Variants in MAK observed in about 807,000 individuals in gnomAD.
The protein encoded by MAK is male germ cell associated kinase, also known as serine/threonine-protein kinase MAK.
Under a neutral mutation model 82.6 loss-of-function variants are expected in MAK, and 65 were observed. The observed-to-expected ratio is 0.79, with a 90% CI of 0.64 to 0.97. MAK has a LOEUF of 0.97. Among genes scored for constraint, MAK ranks in the 50% least tolerant of loss-of-function variants. The pLI, the probability that MAK is intolerant of heterozygous loss-of-function variation, is 0.00. For missense variants in MAK, 703 were observed against 780.2 expected (o/e 0.90, Z 1.18); for synonymous variants, 250 against 274.2 (o/e 0.91, Z 0.87).
At chr6:10,773,013 C>A in intron 13 of MAK, 21 bp downstream of exon 13, 2 of 1,478,650 alleles carry the variant, frequency 1.4e-6, no homozygotes, top group South Asian at 1.2e-5. Flanking sequence ...AAACTGCATT[C>A]ATCTGACGCC....
At chr6:10,807,591 C>T (rs983968197) in intron 6 of MAK, among the ~76,000 whole-genome samples, 2 of 151,820 alleles carry the variant, frequency 1.3e-5, no homozygotes, top group Non-Finnish European at 2.9e-5. Context: ...TCCCCCACCT[C>T]GGCCTCCCAA....
chr6:10,776,690 A>T lies in MAK; in HGVS notation c.1466-1231T>A, dbSNP rs2127520699. On this transcript the variant is annotated intron_variant, in intron 11 of 14. Transcript: ENST00000354489. The surrounding 1 kb of genome is among the most constrained non-coding windows in gnomAD (Gnocchi z 4.3). ...CCAGAAATACTGCACCTCAAAAGTT[A>T]CCCATTATCAGTTCTCTAAGGAAAC... Among the ~76,000 whole-genome samples the T allele has an allele frequency of 6.6e-6, 1 of 152,304 alleles. No homozygotes were observed. Among genetic ancestry groups the T allele is most frequent in the East Asian group, 1.9e-4 (1 of 5,186 alleles).
intron 4 of MAK, among the ~76,000 whole-genome samples, chr6:10,816,981 G>A (rs1777545767): frequency 6.6e-6 from 1 of 152,096 alleles, no homozygotes; most frequent in Admixed American, 6.6e-5. Context: ...ACTGATTTGA[G>A]GGGCAGAAAT....
intron 6 of MAK, among the ~76,000 whole-genome samples, chr6:10,808,090 A>C (rs189848653): frequency 5.3e-5 from 8 of 152,200 alleles, no homozygotes; most frequent in Admixed American, 2.0e-4. Flanking sequence ...AAGACATGCT[A>C]TCAGCACCCA....
Position 10,817,852 on chromosome 6 carries a change from G to A in MAK, c.276C>T (p.Asp92=). 1 of 1,491,578 alleles carries A rather than the reference G, an allele frequency of 6.7e-7. No individual in the cohort carries two copies. The highest frequency in any genetic ancestry group is 9.2e-7 in the Non-Finnish European group (1 of 1,085,084). The allele number at this position is 1,491,578 out of a possible 1,614,324, so 92.4% of individuals were successfully genotyped here. The change falls in exon 4 of 15, where the codon GAC becomes GAT. Residue 92 remains aspartate, a splice_region_variant and synonymous_variant. Transcript: ENST00000354489. ...GAAAAACATGAATAAAAACATACCTGTCTTTCATTAATTGATAGAGGTTTT... is the reference window on the plus strand; with the variant it reads ...GAAAAACATGAATAAAAACATACCTATCTTTCATTAATTGATAGAGGTTTT... ...MKENLYQLMK[D]RNKLFPESVI...
intron 5 of MAK, among the ~76,000 whole-genome samples, chr6:10,810,330 TTC>T (rs1776825156): frequency 6.7e-6 from 1 of 150,116 alleles, no homozygotes; most frequent in South Asian, 2.1e-4. Flanking sequence ...TGGGAAGACT[TTC>T]TTTTATCTTT....
chr6:10,813,110 ATATATATATATATATATATATATAAATTT>A lies in MAK; in HGVS notation c.358+505_358+533del, dbSNP rs1777114559. ...TTTATATATATATATATATATATAT[ATATATATATATATATATATATATAAATTT>A]TTTTTTTTTTTTTTTTTTTTTTTTT... is the stretch of plus-strand genomic sequence containing the variant. On this transcript the variant is annotated intron_variant, in intron 5 of 14. Coordinates refer to ENST00000354489, the MANE Select transcript of MAK (RefSeq NM_001242957.3). 1.5e-3 allele frequency among the ~76,000 whole-genome samples: 2 copies of A among 1,336 alleles called. 1 individual carries two copies. The highest frequency in any genetic ancestry group is 2.6e-3 in the African/African-American group (2 of 758). 0.9% of individuals were successfully genotyped at this position (1,336 alleles called of 152,430 possible). A position where few individuals can be genotyped will look rare whatever the true frequency, so the allele number is the denominator to read the frequency against.
chr6:10,781,662 G>C (rs1773978811), intron 11 of MAK, among the ~76,000 whole-genome samples: 1 of 152,144 alleles, frequency 6.6e-6, no homozygotes, highest in African/African-American at 2.4e-5. Context: ...GACTTCAAGT[G>C]ATCCGCCTGC....
intron 11 of MAK, chr6:10,780,152 CAGTA>C: frequency 1.7e-6 from 1 of 584,196 alleles, no homozygotes; most frequent in Non-Finnish European, 2.2e-6. Context: ...CAATAGGTGA[CAGTA>C]AGGCTCAAGT....
At chr6:10,783,889 C>T (rs146785735) in intron 11 of MAK, among the ~76,000 whole-genome samples, 1 of 152,076 alleles carries the variant, frequency 6.6e-6, no homozygotes, top group African/African-American at 2.4e-5. Flanking sequence ...CGTGGTGGCT[C>T]GCACCTGTAG....
chr6:10,790,708 A>G (rs948907774), intron 10 of MAK, among the ~76,000 whole-genome samples: 3 of 152,234 alleles, frequency 2.0e-5, no homozygotes, highest in African/African-American at 7.2e-5. Context: ...TGTCATTCAC[A>G]AGAGCATCGT....
chr6:10,831,003 G>A, intron 1 of MAK, 126 bp from the exon 2 acceptor site: 2 of 316,790 alleles, frequency 6.3e-6, no homozygotes, highest in South Asian at 2.8e-5. Context: ...ATATTTGTCA[G>A]TAAGTCATTT....
chr6:10,819,805 A>G (rs1219934780), intron 2 of MAK, among the ~76,000 whole-genome samples: 1 of 151,516 alleles, frequency 6.6e-6, no homozygotes. Flanking sequence ...CACCATACAA[A>G]ACAGGGGATA....
At chr6:10,773,648 CATATT>C (rs891722219) in intron 12 of MAK, among the ~76,000 whole-genome samples, 3 of 150,800 alleles carry the variant, frequency 2.0e-5, no homozygotes, top group African/African-American at 7.3e-5. Context: ...TTATTTCTGA[CATATT>C]GTAACTATAG....
Position 10,815,912 on chromosome 6 carries a change from GTATATATATATATATATA to G in MAK, c.278+1920_278+1937del, listed in dbSNP as rs3064109. On this transcript the variant is annotated intron_variant, in intron 4 of 14. Coordinates refer to ENST00000354489, the MANE Select transcript of MAK (RefSeq NM_001242957.3). ...TACTGTATTAGTGTAGCTTTATACA[GTATATATATATATATATA>G]TATATATATATATATATGTATGTTT... 2.0e-3 allele frequency among the ~76,000 whole-genome samples: 215 copies of G among 108,346 alleles called. 7 individuals are homozygous for G. Among genetic ancestry groups the G allele is most frequent in the African/African-American group, 7.4e-3 (162 of 21,848 alleles). The allele number at this position is 108,346 out of a possible 152,430, so 71.1% of individuals were successfully genotyped here. A position where few individuals can be genotyped will look rare whatever the true frequency, so the allele number is the denominator to read the frequency against.
In MAK at chr6:10,831,773, A is replaced by G. The variant is rs191200959; in HGVS notation, c.-229-896T>C. ...AAGAAAAAAAAATTTTTTAATAAAT[A>G]AAAAGGGAAGTAGAGCCTGAAGATG... On this transcript the variant is annotated intron_variant, in intron 1 of 14. Coordinates refer to ENST00000354489, the MANE Select transcript of MAK (RefSeq NM_001242957.3). Among the ~76,000 whole-genome samples, 65 of 152,250 alleles carry G rather than the reference A, an allele frequency of 4.3e-4. 1 individual carries two copies. Among genetic ancestry groups the G allele is most frequent in the African/African-American group, 1.3e-3 (56 of 41,556 alleles).
chr6:10,815,001 C>T (rs146543586), intron 4 of MAK, among the ~76,000 whole-genome samples: 222 of 151,144 alleles, frequency 1.5e-3, no homozygotes, highest in Middle Eastern at 3.4e-3. Context: ...TACACCACTT[C>T]ACTCCAGCCT....
chr6:10,797,471 C>T (rs1424392125), intron 8 of MAK: 1 of 422,524 alleles, frequency 2.4e-6, no homozygotes, highest in Non-Finnish European at 3.2e-6. Flanking sequence ...TGCTAACTAT[C>T]CCATAATGCA....
chr6:10,831,759 A>T (rs146992361), intron 1 of MAK, among the ~76,000 whole-genome samples: 5,426 of 152,108 alleles, frequency 0.036, 111 homozygotes, highest in Non-Finnish European at 0.045. Context: ...AGAAAAAAAA[A>T]TTTTTTAATA....
Sources: gnomAD v4.1 joint callset for allele counts (sites outside exome capture counted in the v4.1 genomes callset) on GRCh38, gnomAD v4.1.1 for gene constraint, Gnocchi (gnomAD v3.1) non-coding constraint, MANE v1.5 for transcripts, NCBI Gene and HGNC (gene_info 2026-07-23, HGNC 2026-07-21) for gene names.